SHANK2: variants seen among roughly 807,000 people sequenced by gnomAD.
SHANK2 encodes the protein SH3 and multiple ankyrin repeat domains 2.
A neutral mutation model predicts 133.7 loss-of-function variants in SHANK2; 43 were observed. The observed-to-expected ratio is 0.32, with a 90% CI of 0.25 to 0.41. The LOEUF (loss-of-function observed/expected upper bound fraction) is 0.41, where lower values mean the gene tolerates loss of function less well. SHANK2 is among the 10% of genes least tolerant of loss of function. SHANK2 has a pLI of 1.00. For missense variants in SHANK2, 1,994 were observed against 2,235.8 expected (o/e 0.89, Z 2.18); for synonymous variants, 1,017 against 952.8 (o/e 1.07, Z -1.24).
At chr11:70,526,513 A>G (rs1167157122) in intron 17 of SHANK2, among the ~76,000 whole-genome samples, 1 of 152,174 alleles carries the variant, frequency 6.6e-6, no homozygotes, top group Non-Finnish European at 1.5e-5. Flanking sequence ...TGTACCATGC[A>G]TGTGTGCTCA....
At chr11:70,492,275 C>T (rs1454845016) in intron 22 of SHANK2, 60 bp downstream of exon 22, 8 of 1,599,310 alleles carry the variant, frequency 5.0e-6, no homozygotes, top group Non-Finnish European at 6.8e-6. Context: ...TGAGACAGCC[C>T]ACCCACTTCC....
chr11:71,085,290 C>G (rs1951363310), intron 8 of SHANK2, among the ~76,000 whole-genome samples: 1 of 151,088 alleles, frequency 6.6e-6, no homozygotes, highest in Non-Finnish European at 1.5e-5. Context: ...AACCCTGTCT[C>G]TACTAAAAAT....
intron 17 of SHANK2, among the ~76,000 whole-genome samples, chr11:70,638,670 A>G (rs1555005219): frequency 1.3e-5 from 2 of 152,216 alleles, no homozygotes; most frequent in African/African-American, 2.4e-5. Flanking sequence ...AATATAATAG[A>G]AAGATTTCCT....
chr11:70,661,132 C>T (rs887083614), intron 16 of SHANK2, among the ~76,000 whole-genome samples: 3 of 152,166 alleles, frequency 2.0e-5, no homozygotes, highest in Admixed American at 6.5e-5. Context: ...AAATGCCTGC[C>T]GCCCTTGGAG....
rs2058833958 is a variant in SHANK2, at chr11:70,487,811, T to C, written c.2573-91A>G. 8 of 1,546,950 alleles carry C rather than the reference T, an allele frequency of 5.2e-6. No homozygotes were observed. The South Asian group carries it at 8.4e-5, about 16-fold the overall frequency. On this transcript the variant is annotated intron_variant, in intron 24 of 25. Coordinates refer to ENST00000601538, the MANE Select transcript of SHANK2 (RefSeq NM_012309.5). This position sits in a 1 kb window ranked among gnomAD's most constrained non-coding sequence, Gnocchi z 5.8. ...TGCGATACGCTACATCTCCACAAAC[T>C]CACAAATTCAGATGATGAACCGGAT...
At chr11:71,066,095 GGGGT>G (rs2135951025) in intron 9 of SHANK2, among the ~76,000 whole-genome samples, 1 of 122,228 alleles carries the variant, frequency 8.2e-6, no homozygotes, top group East Asian at 2.6e-4. Flanking sequence ...GTTGGTGGGG[GGGGT>G]GTGTGCAGAA....
chr11:71,192,172 T>C (rs1953807326), intron 2 of SHANK2, among the ~76,000 whole-genome samples: 1 of 152,236 alleles, frequency 6.6e-6, no homozygotes, highest in Non-Finnish European at 1.5e-5. Flanking sequence ...TCATCTCATC[T>C]TCTTATCAGG....
chr11:70,540,730 C>T (rs778975519), intron 17 of SHANK2, among the ~76,000 whole-genome samples: 8 of 149,264 alleles, frequency 5.4e-5, no homozygotes, highest in South Asian at 2.2e-4. Context: ...AAAAATTAGC[C>T]GGGTGTGGTG....
At chr11:71,219,809 A>T (rs1349130032) in intron 2 of SHANK2, among the ~76,000 whole-genome samples, 1 of 151,970 alleles carries the variant, frequency 6.6e-6, no homozygotes, top group Non-Finnish European at 1.5e-5. Context: ...GAGGTAGGAG[A>T]ATCACTTGAG....
intron 11 of SHANK2, among the ~76,000 whole-genome samples, chr11:70,870,242 C>G (rs1312453461): frequency 1.2e-4 from 18 of 152,070 alleles, no homozygotes; most frequent in African/African-American, 4.3e-4. Flanking sequence ...AGAAATGAAC[C>G]CGGGGTGAGA....
chr11:70,900,218 G>A (rs1390613607), intron 10 of SHANK2, among the ~76,000 whole-genome samples: 1 of 152,118 alleles, frequency 6.6e-6, no homozygotes, highest in Non-Finnish European at 1.5e-5. Context: ...GCTGGGCGTG[G>A]TAGCATGCAC....
intron 14 of SHANK2, among the ~76,000 whole-genome samples, chr11:70,744,484 C>T (rs1359622989): frequency 2.6e-5 from 4 of 152,206 alleles, no homozygotes; most frequent in Non-Finnish European, 5.9e-5. Flanking sequence ...TAGGATCTGC[C>T]TACGGGAGGA....
chr11:70,939,439 T>C (rs1258075656), intron 10 of SHANK2, among the ~76,000 whole-genome samples: 4 of 152,080 alleles, frequency 2.6e-5, no homozygotes, highest in Admixed American at 1.3e-4. Context: ...GATTGTGCCA[T>C]TGCACTCCAG....
chr11:70,487,851 G>A lies in SHANK2; in HGVS notation c.2573-131C>T. The A allele has an allele frequency of 6.6e-7, 1 of 1,522,830 alleles. No individual in the cohort carries two copies. Among genetic ancestry groups the A allele is most frequent in the South Asian group, 1.2e-5 (1 of 82,542 alleles). The allele number at this position is 1,522,830 out of a possible 1,614,324, so 94.3% of individuals were successfully genotyped here. Reference sequence around the variant, plus strand: ...ATGAACCGGATGTTCAGGAAACACAGCACAAGCCACGATGCCGAGTGGTTA... The same window carrying A: ...ATGAACCGGATGTTCAGGAAACACAACACAAGCCACGATGCCGAGTGGTTA... On this transcript the variant is annotated intron_variant, in intron 24 of 25. Coordinates refer to ENST00000601538, the MANE Select transcript of SHANK2 (RefSeq NM_012309.5). The surrounding 1 kb of genome is among the most constrained non-coding windows in gnomAD (Gnocchi z 5.8).
At chr11:70,870,881 G>A (rs976547200) in intron 11 of SHANK2, among the ~76,000 whole-genome samples, 1 of 152,170 alleles carries the variant, frequency 6.6e-6, no homozygotes, top group Non-Finnish European at 1.5e-5. Context: ...AGATTCAAGT[G>A]ATTCTCCTGC....
intron 9 of SHANK2, among the ~76,000 whole-genome samples, chr11:71,071,408 C>T (rs1951139353): frequency 6.6e-6 from 1 of 152,242 alleles, no homozygotes. Context: ...CACCCAACCG[C>T]AGCTATGAAA....
At chr11:70,689,443 A>G (rs529782164) in intron 15 of SHANK2, among the ~76,000 whole-genome samples, 2 of 152,336 alleles carry the variant, frequency 1.3e-5, no homozygotes, top group East Asian at 3.9e-4. Context: ...GGGTCTCCAG[A>G]GCAATGAGCT....
chr11:70,629,768 A>C (rs539519032), intron 17 of SHANK2, among the ~76,000 whole-genome samples: 1 of 152,042 alleles, frequency 6.6e-6, no homozygotes, highest in East Asian at 1.9e-4. Context: ...TAATGCCCTG[A>C]CTCCAATAAG....
intron 14 of SHANK2, among the ~76,000 whole-genome samples, chr11:70,740,845 C>T (rs1412304527): frequency 1.3e-5 from 2 of 152,166 alleles, no homozygotes; most frequent in African/African-American, 4.8e-5. Flanking sequence ...TGGTCCTATC[C>T]AGCAGATGGG....
Sources: gnomAD v4.1 joint callset for allele counts (sites outside exome capture counted in the v4.1 genomes callset) on GRCh38, gnomAD v4.1.1 for gene constraint, Gnocchi (gnomAD v3.1) non-coding constraint, MANE v1.5 for transcripts, NCBI Gene and HGNC (gene_info 2026-07-23, HGNC 2026-07-21) for gene names.